The following SH3KBP1 variants were observed in gnomAD, a reference collection of about 807,000 sequenced individuals.
SH3KBP1 encodes the protein SH3 domain-containing kinase-binding protein 1.
A neutral mutation model predicts 50.1 loss-of-function variants in SH3KBP1; 8 were observed. The ratio of observed to expected loss-of-function variants is 0.16; its 90% CI spans 0.09 to 0.29. The LOEUF is 0.29. SH3KBP1 is among the 10% of genes least tolerant of loss of function. SH3KBP1 has a pLI of 1.00. For synonymous variants in SH3KBP1, 227 were observed against 218.6 expected, an observed-to-expected ratio of 1.04 and a Z score of -0.34; for missense variants, 377 against 535.2, an observed-to-expected ratio of 0.70 and a Z score of 2.92.
At chrX:19,702,113 A>G (rs1376753663) in intron 4 of SH3KBP1, among the ~76,000 whole-genome samples, 1 of 112,458 alleles carries the variant, frequency 8.9e-6, no homozygotes, top group Non-Finnish European at 1.9e-5. Context: ...CAATAAGCAG[A>G]TATTTTATAT....
At chrX:19,722,569 G>GGT (rs55675573) in intron 3 of SH3KBP1, among the ~76,000 whole-genome samples, 2,524 of 84,173 alleles carry the variant, frequency 0.03, 79 homozygotes, top group African/African-American at 0.082. Flanking sequence ...CGTGCGCACT[G>GGT]GTGTGTGTGT....
intron 6 of SH3KBP1, among the ~76,000 whole-genome samples, chrX:19,656,310 G>A (rs776640008): frequency 1.6e-4 from 18 of 111,788 alleles, no homozygotes; most frequent in Non-Finnish European, 2.3e-4. Context: ...GGTATTGGGA[G>A]GAATGAAGAA....
intron 1 of SH3KBP1, among the ~76,000 whole-genome samples, chrX:19,836,833 T>C (rs191371183): frequency 8.9e-6 from 1 of 112,112 alleles, no homozygotes; most frequent in African/African-American, 3.2e-5. Context: ...AATTGAACTA[T>C]GAGGGCAGTT....
At chrX:19,792,405 T>C (rs1025376401) in intron 2 of SH3KBP1, among the ~76,000 whole-genome samples, 1 of 111,547 alleles carries the variant, frequency 9.0e-6, no homozygotes, top group Non-Finnish European at 1.9e-5. Flanking sequence ...ATGTATATTT[T>C]GGCTGATCTC....
chrX:19,589,107 C>T (rs1389365237), intron 11 of SH3KBP1, among the ~76,000 whole-genome samples: 2 of 112,539 alleles, frequency 1.8e-5, no homozygotes, highest in Non-Finnish European at 3.8e-5. Context: ...GTGACACTGC[C>T]ATGTTCCCTT....
intron 3 of SH3KBP1, among the ~76,000 whole-genome samples, chrX:19,718,242 G>A (rs2063963594): frequency 9.0e-6 from 1 of 110,584 alleles, no homozygotes; most frequent in South Asian, 3.8e-4. Flanking sequence ...CTAGCACAGA[G>A]TATACATTCA....
intron 9 of SH3KBP1, among the ~76,000 whole-genome samples, chrX:19,605,153 A>G (rs1343449923): frequency 1.8e-5 from 2 of 110,082 alleles, no homozygotes; most frequent in African/African-American, 6.6e-5. Flanking sequence ...CTCTCACCTG[A>G]GTGAATTTAC....
At position 19,748,337 on chromosome X, in the gene SH3KBP1, G is replaced by A. The variant is rs757754221; in HGVS notation, c.163-1896C>T. On this transcript the variant is annotated intron_variant, in intron 2 of 17. Transcript: ENST00000397821. ...GCCGGGGAAGGGTGGGAGAAGCAGC[G>A]CCAGCATTGTGAGGCTGGGGTGGTC... 1.1e-4 allele frequency among the ~76,000 whole-genome samples: 12 copies of A among 111,782 alleles called. 1 individual carries two copies. In the South Asian group the frequency reaches 1.5e-3, roughly 14 times the overall value.
At chrX:19,811,325 CAGG>C (rs2067201460) in intron 2 of SH3KBP1, among the ~76,000 whole-genome samples, 1 of 112,172 alleles carries the variant, frequency 8.9e-6, no homozygotes, top group African/African-American at 3.3e-5. Context: ...AATATGACTA[CAGG>C]CTTAGCAGTT....
At chrX:19,681,959 G>A (rs1369838862) in intron 6 of SH3KBP1, among the ~76,000 whole-genome samples, 1 of 111,010 alleles carries the variant, frequency 9.0e-6, no homozygotes. Flanking sequence ...TGGAAGTGAT[G>A]AGACCTAGGT....
chrX:19,840,690 C>T lies in SH3KBP1; in HGVS notation c.5-4408G>A, dbSNP rs189043973. Among the ~76,000 whole-genome samples, 4 of 112,380 alleles carry T rather than the reference C, an allele frequency of 3.6e-5. No individual in the cohort carries two copies. The Admixed American group carries it at 3.8e-4, about 11-fold the overall frequency. On this transcript the variant is annotated intron_variant, in intron 1 of 17. Transcript: ENST00000397821. ...AACTGCAGGAAGGATGAAACATTAC[C>T]TATGATTTTTTTAAAGTGGTACCCT... is the stretch of plus-strand genomic sequence containing the variant.
intron 12 of SH3KBP1, among the ~76,000 whole-genome samples, chrX:19,572,457 T>C (rs1294093221): frequency 1.9e-5 from 2 of 107,251 alleles, no homozygotes; most frequent in East Asian, 2.8e-4. Context: ...ATGTTATATA[T>C]AGTACATATA....
intron 3 of SH3KBP1, among the ~76,000 whole-genome samples, chrX:19,718,938 C>T (rs2063984573): frequency 9.0e-6 from 1 of 111,682 alleles, no homozygotes; most frequent in South Asian, 3.7e-4. Flanking sequence ...CCAGCCTACA[C>T]AGCCCAGACA....
At chrX:19,679,154 C>A (rs2062991789) in intron 6 of SH3KBP1, among the ~76,000 whole-genome samples, 1 of 111,731 alleles carries the variant, frequency 9.0e-6, no homozygotes, top group African/African-American at 3.3e-5. Flanking sequence ...CTTACCACTT[C>A]CTGCCATGCC....
At chrX:19,875,826 G>A (rs1290145456) in intron 1 of SH3KBP1, among the ~76,000 whole-genome samples, 2 of 112,619 alleles carry the variant, frequency 1.8e-5, no homozygotes, top group Non-Finnish European at 3.8e-5. Flanking sequence ...AGGGGACAGG[G>A]AGGAAGCATG....
chrX:19,742,478 A>G (rs1309132687), intron 3 of SH3KBP1, among the ~76,000 whole-genome samples: 2 of 111,857 alleles, frequency 1.8e-5, no homozygotes, highest in Non-Finnish European at 3.8e-5. Flanking sequence ...GTTCATTTTC[A>G]AGAACCTATT....
chrX:19,766,929 C>T (rs1041168054), intron 2 of SH3KBP1, among the ~76,000 whole-genome samples: 5 of 111,397 alleles, frequency 4.5e-5, no homozygotes, highest in Non-Finnish European at 9.4e-5. Context: ...ATATCTGCAT[C>T]GTAAGGTAAA....
intron 3 of SH3KBP1, among the ~76,000 whole-genome samples, chrX:19,742,655 T>C (rs967822281): frequency 9.0e-6 from 1 of 111,624 alleles, no homozygotes; most frequent in Non-Finnish European, 1.9e-5. Flanking sequence ...AATGCTTTTT[T>C]AAAAAAGTCT....
intron 6 of SH3KBP1, among the ~76,000 whole-genome samples, chrX:19,668,170 G>A (rs765542580): frequency 2.7e-5 from 3 of 111,613 alleles, no homozygotes; most frequent in Non-Finnish European, 3.8e-5. Context: ...ATCATTTAAT[G>A]AAGAGTGATG....
Sources: gnomAD v4.1 joint callset for allele counts (sites outside exome capture counted in the v4.1 genomes callset) on GRCh38, gnomAD v4.1.1 for gene constraint, MANE v1.5 for transcripts, NCBI Gene and HGNC (gene_info 2026-07-23, HGNC 2026-07-21) for gene names.